The following CLDND1 variants were observed in gnomAD, a reference collection of about 807,000 sequenced individuals.
The protein encoded by CLDND1 is claudin domain containing 1.
In CLDND1, 13 loss-of-function variants were observed where a neutral mutation model predicts 26.3. The ratio of observed to expected loss-of-function variants is 0.49; its 90% confidence interval spans 0.32 to 0.78. The LOEUF is 0.78. Among genes scored for constraint, CLDND1 ranks in the 30% least tolerant of loss-of-function variants. CLDND1 has a pLI of 0.03. For missense variants in CLDND1, 289 were observed against 312.8 expected (o/e 0.92, Z 0.57); for synonymous variants, 107 against 107.0 (o/e 1.00, Z 0.00).
chr3:98,517,287 A>C, intron 3 of CLDND1, 98 bp from the exon 4 acceptor site: 1 of 1,368,462 alleles, frequency 7.3e-7, no homozygotes, highest in Non-Finnish European at 9.9e-7. Context: ...ATCTTTTCTC[A>C]AAAAGTGTGA....
intron 3 of CLDND1, among the ~76,000 whole-genome samples, chr3:98,517,621 G>A (rs1223154968): frequency 6.6e-6 from 1 of 152,134 alleles, no homozygotes; most frequent in Non-Finnish European, 1.5e-5. Context: ...ATTGTATTGG[G>A]TATTATAAGC....
At chr3:98,519,256 A>G (rs754693539) in intron 2 of CLDND1, among the ~76,000 whole-genome samples, 2 of 152,216 alleles carry the variant, frequency 1.3e-5, no homozygotes, top group Non-Finnish European at 2.9e-5. Flanking sequence ...TAGAAAGCCT[A>G]GGAAGAAGGG....
At position 98,521,129 on chromosome 3, in the gene CLDND1, A is replaced by C. The variant is rs1411759648; in HGVS notation, c.292+4T>G. On this transcript the variant is annotated splice_donor_region_variant and intron_variant, in intron 2 of 4. Coordinates refer to ENST00000341181, the MANE Select transcript of CLDND1 (RefSeq NM_001040181.2). ...GAAGACAGAAGTTAAAATAAGAGAAATACCTGTCCTTTCTGGTGGGCTATA... is the reference window on the plus strand; with the variant it reads ...GAAGACAGAAGTTAAAATAAGAGAACTACCTGTCCTTTCTGGTGGGCTATA... 1 of 1,603,034 alleles carries C rather than the reference A, an allele frequency of 6.2e-7. No homozygotes were observed. The highest frequency in any genetic ancestry group is 1.7e-4 in the Middle Eastern group (1 of 6,012).
intron 3 of CLDND1, 52 bp from the exon 4 acceptor site, chr3:98,517,241 T>G (rs1439983814): frequency 1.9e-6 from 3 of 1,582,448 alleles, no homozygotes; most frequent in Non-Finnish European, 2.6e-6. Flanking sequence ...CAGACCATTT[T>G]CCCCGCAATG....
At chr3:98,517,683 ATAT>A (rs1310844934) in intron 3 of CLDND1, among the ~76,000 whole-genome samples, 26 of 152,240 alleles carry the variant, frequency 1.7e-4, no homozygotes, top group Non-Finnish European at 7.3e-5. Flanking sequence ...TTATATGCTA[ATAT>A]TATGCCATTT....
chr3:98,516,359 GT>G lies in CLDND1; in HGVS notation c.*299del, dbSNP rs1345608192. On this transcript the variant is annotated 3_prime_UTR_variant, in exon 5 of 5. Transcript: ENST00000341181. ...AGTCTAACAGACATTAGCACAACTT[GT>G]TTTCGGTCACATTCCTACTCCCAAT... 10 of 1,126,660 alleles carry G rather than the reference GT, an allele frequency of 8.9e-6. No homozygotes were observed. In the African/African-American group the frequency reaches 1.6e-4, roughly 19 times the overall value. The allele number at this position is 1,126,660 out of a possible 1,614,324, so 69.8% of individuals were successfully genotyped here.
chr3:98,516,173 T>G lies in CLDND1; in HGVS notation c.*486A>C. 9.5e-7 allele frequency: 1 copy of G among 1,052,152 alleles called. No individual in the cohort carries two copies. Among genetic ancestry groups the G allele is most frequent in the Non-Finnish European group, 1.1e-6 (1 of 870,776 alleles). 65.2% of individuals were successfully genotyped at this position (1,052,152 alleles called of 1,614,324 possible). A position where few individuals can be genotyped will look rare whatever the true frequency, so the allele number is the denominator to read the frequency against. On this transcript the variant is annotated 3_prime_UTR_variant, in exon 5 of 5. Transcript: ENST00000341181. ...AAATGATCTTAGATAATTTCCCAAT[T>G]TTATAGAGCTTAAATCTTTGAAAAC...
In CLDND1 at chr3:98,521,451, A is replaced by G. The variant is rs754821316; in HGVS notation, c.-18-9T>C. On this transcript the variant is annotated splice_polypyrimidine_tract_variant and intron_variant, in intron 1 of 4. Transcript: ENST00000341181. Reference sequence around the variant, plus strand: ...CTGGCATTCAGACTGCTCTGTTTAGAAGTTGAAGAAAGAAGATAAGTTAGA... The same window carrying G: ...CTGGCATTCAGACTGCTCTGTTTAGGAGTTGAAGAAAGAAGATAAGTTAGA... 2 of 1,603,972 alleles carry G rather than the reference A, an allele frequency of 1.2e-6. No homozygotes were observed. The highest frequency in any genetic ancestry group is 3.4e-5 in the Admixed American group (2 of 58,632).
At position 98,516,248 on chromosome 3, in the gene CLDND1, T is replaced by C. The variant is rs2107139371; in HGVS notation, c.*411A>G. 7 of 1,028,966 alleles carry C rather than the reference T, an allele frequency of 6.8e-6. No individual in the cohort carries two copies. The highest frequency in any genetic ancestry group is 8.2e-6 in the Non-Finnish European group (7 of 856,524). 63.7% of individuals were successfully genotyped at this position (1,028,966 alleles called of 1,614,324 possible). Reference sequence around the variant, plus strand: ...GCTATCTACAACAGCAAAGTGAACATAAAGTTTTGACGATGAGAGGTTTCC... The same window carrying C: ...GCTATCTACAACAGCAAAGTGAACACAAAGTTTTGACGATGAGAGGTTTCC... On this transcript the variant is annotated 3_prime_UTR_variant, in exon 5 of 5. Coordinates refer to ENST00000341181, the MANE Select transcript of CLDND1 (RefSeq NM_001040181.2).
Position 98,521,282 on chromosome 3 carries a change from T to C in CLDND1, c.143A>G (p.Lys48Arg), listed in dbSNP as rs1458451282. 4 of 1,614,098 alleles carry C rather than the reference T, an allele frequency of 2.5e-6. No individual in the cohort carries two copies. The highest frequency in any genetic ancestry group is 3.4e-6 in the Non-Finnish European group (4 of 1,180,042). The change falls in exon 2 of 5, where the codon AAA becomes AGA. Residue 48 changes from lysine (K) to arginine (R), a missense_variant. Transcript: ENST00000341181. ...ACTAATGAATTCATCCCAGATGCTT[T>C]TATTCAAATCACTGGAATTTTCTTG... ...PVQENSSDLN[K>R]SIWDEFISDE...
At chr3:98,521,728 A>C in intron 1 of CLDND1, 1 of 1,594,884 alleles carries the variant, frequency 6.3e-7, no homozygotes, top group Non-Finnish European at 8.6e-7. Context: ...ACTGAAATGG[A>C]CATACACATT....
In CLDND1 at chr3:98,521,475, G is replaced by C. The variant is rs746561103; in HGVS notation, c.-18-33C>G. On this transcript the variant is annotated intron_variant, in intron 1 of 4. Transcript: ENST00000341181. ...GAAGTTGAAGAAAGAAGATAAGTTA[G>C]AGTTTACGGACAAATAAGAAAGATT... 6.5e-6 allele frequency: 10 copies of C among 1,537,486 alleles called. No individual in the cohort carries two copies. In the Admixed American group the frequency reaches 9.0e-5, roughly 14 times the overall value.
In CLDND1 at chr3:98,516,860, T is replaced by C. The variant is rs745462170; in HGVS notation, c.561A>G (p.Ser187=). Residue 187 remains serine (S), a synonymous_variant, in exon 5 of 5, where the codon TCA becomes TCG. Transcript: ENST00000341181. ...HLLAGLCTLG[S]VSCYVAGIEL... is the part of the protein sequence containing the mutation. ...CAATTCCAGCAACATAACAACTTAC[T>C]GAGCCCAGTGTACACAGACCTTGGG... is the stretch of plus-strand genomic sequence containing the variant. 32 of 1,614,042 alleles carry C rather than the reference T, an allele frequency of 2.0e-5. No individual in the cohort carries two copies. In the South Asian group the frequency reaches 3.5e-4, roughly 18 times the overall value.
intron 3 of CLDND1, 108 bp downstream of exon 3, chr3:98,518,777 C>A: frequency 1.5e-6 from 1 of 687,820 alleles, no homozygotes; most frequent in South Asian, 1.7e-5. Flanking sequence ...TTTTATTTCA[C>A]GTTGGCACAA....
At chr3:98,522,640 C>T (rs899110995) in intron 1 of CLDND1, 2 of 1,408,676 alleles carry the variant, frequency 1.4e-6, no homozygotes, top group Non-Finnish European at 1.8e-6. Flanking sequence ...AAGGCCAGGG[C>T]TGGGGCGGGG....
intron 2 of CLDND1, 130 bp from the exon 3 acceptor site, chr3:98,519,125 T>A (rs1048137561): frequency 6.6e-6 from 4 of 602,404 alleles, no homozygotes; most frequent in Non-Finnish European, 1.2e-5. Flanking sequence ...TGGCCCTGAC[T>A]GACACACAGG....
Position 98,515,944 on chromosome 3 carries a change from C to A in CLDND1, c.*715G>T. ...ATGTGAAGAGGAAAGAAAAAAAATC[C>A]AAAACAATTTGGTGGTACTGAAAAT... On this transcript the variant is annotated 3_prime_UTR_variant, in exon 5 of 5. Coordinates refer to ENST00000341181, the MANE Select transcript of CLDND1 (RefSeq NM_001040181.2). 1 of 1,212,644 alleles carries A rather than the reference C, an allele frequency of 8.2e-7. No homozygotes were observed. Among genetic ancestry groups the A allele is most frequent in the Non-Finnish European group, 1.1e-6 (1 of 949,386 alleles). The allele number at this position is 1,212,644 out of a possible 1,614,324, so 75.1% of individuals were successfully genotyped here. A position where few individuals can be genotyped will look rare whatever the true frequency, so the allele number is the denominator to read the frequency against.
chr3:98,516,976 C>A, intron 4 of CLDND1, 76 bp downstream of exon 4: 1 of 1,607,120 alleles, frequency 6.2e-7, no homozygotes, highest in South Asian at 1.1e-5. Flanking sequence ...AATACGTGAA[C>A]ATTTCAGATT....
Position 98,517,153 on chromosome 3 carries a change from C to T in CLDND1, c.440G>A (p.Ser147Asn). The T allele has an allele frequency of 3.1e-6, 5 of 1,614,108 alleles. No individual in the cohort carries two copies. Among genetic ancestry groups the T allele is most frequent in the Non-Finnish European group, 4.2e-6 (5 of 1,180,002 alleles). ...AGCCCCAAAGCACATCAAACCTAAA[C>T]TCACAAAAGGTAAAAGGAACTGGCA... ...WRCQFLLPFV[S>N]LGLMCFGALI... is the part of the protein sequence containing the mutation. Residue 147 changes from serine (S) to asparagine (N), a missense_variant, in exon 4 of 5, where the codon AGT (serine) becomes AAT (asparagine). Transcript: ENST00000341181.
Sources: gnomAD v4.1 joint callset for allele counts (sites outside exome capture counted in the v4.1 genomes callset) on GRCh38, gnomAD v4.1.1 for gene constraint, MANE v1.5 for transcripts, NCBI Gene and HGNC (gene_info 2026-07-23, HGNC 2026-07-21) for gene names.